APBA1: variants seen among roughly 807,000 people sequenced by gnomAD.
APBA1 encodes amyloid-beta A4 precursor protein-binding family A member 1.
APBA1 carries 55 observed loss-of-function variants against 86.6 expected under a neutral mutation model. The observed-to-expected ratio is 0.64, with a 90% CI of 0.51 to 0.80. The LOEUF (loss-of-function observed/expected upper bound fraction) is 0.80. Ranked by LOEUF, APBA1 falls within the 30% of genes least tolerant of loss-of-function variation. The pLI, the probability that APBA1 is intolerant of heterozygous loss-of-function variation, is 0.00. For missense variants in APBA1, 1,090 were observed against 1,183.0 expected (o/e 0.92, Z 1.15); for synonymous variants, 511 against 493.9 (o/e 1.03, Z -0.46).
At chr9:69,537,494 T>C (rs1836532045) in intron 1 of APBA1, among the ~76,000 whole-genome samples, 2 of 151,990 alleles carry the variant, frequency 1.3e-5, no homozygotes, top group African/African-American at 4.8e-5. Context: ...AGGACCCAGA[T>C]GGCACTGGCC....
At chr9:69,617,649 G>A (rs1209811876) in intron 1 of APBA1, among the ~76,000 whole-genome samples, 1 of 151,892 alleles carries the variant, frequency 6.6e-6, no homozygotes, top group African/African-American at 2.4e-5. Flanking sequence ...AAAAAAAACG[G>A]GAACTACACC....
At chr9:69,440,929 C>T in intron 11 of APBA1, 67 bp downstream of exon 11, 2 of 1,572,576 alleles carry the variant, frequency 1.3e-6, no homozygotes, top group Non-Finnish European at 1.7e-6. Flanking sequence ...TGGCTCCACC[C>T]CCCCAGCCAT....
intron 1 of APBA1, among the ~76,000 whole-genome samples, chr9:69,615,643 T>C (rs952916500): frequency 2.0e-5 from 3 of 152,222 alleles, no homozygotes; most frequent in African/African-American, 7.2e-5. Context: ...TAAAAGGTTA[T>C]ATTTCCAAGG....
chr9:69,432,624 C>T lies in APBA1; in HGVS notation c.2354G>A (p.Gly785Glu). The change falls in exon 12 of 13, where the codon GGG becomes GAG. Residue 785 changes from glycine (G) to glutamate (E), a missense_variant. Transcript: ENST00000265381. Reference protein sequence around the residue: ...GIAERGGVRVGHRIIEINGQS... With the variant: ...GIAERGGVRVEHRIIEINGQS... Reference sequence around the variant, plus strand: ...TCCATTGATTTCAATGATCCGGTGCCCCACACGGACGCCTCCTCTCTCAGC... The same window carrying T: ...TCCATTGATTTCAATGATCCGGTGCTCCACACGGACGCCTCCTCTCTCAGC... The T allele has an allele frequency of 5.6e-6, 9 of 1,605,666 alleles. No homozygotes were observed. Among genetic ancestry groups the T allele is most frequent in the Non-Finnish European group, 7.6e-6 (9 of 1,176,650 alleles).
intron 1 of APBA1, among the ~76,000 whole-genome samples, chr9:69,660,588 T>C (rs1823735497): frequency 6.6e-6 from 1 of 152,242 alleles, no homozygotes; most frequent in African/African-American, 2.4e-5. Flanking sequence ...GGAAATACTT[T>C]AAGGCAAGAA....
chr9:69,646,170 C>A (rs932707783), intron 1 of APBA1, among the ~76,000 whole-genome samples: 3 of 152,016 alleles, frequency 2.0e-5, no homozygotes, highest in Non-Finnish European at 4.4e-5. Flanking sequence ...TAGAGGCAGG[C>A]TACAAAATAG....
At chr9:69,583,260 G>A (rs559061075) in intron 1 of APBA1, among the ~76,000 whole-genome samples, 2 of 152,248 alleles carry the variant, frequency 1.3e-5, no homozygotes, top group South Asian at 4.1e-4. Context: ...ACCACTGTTG[G>A]TTATCTAGTC....
At chr9:69,567,154 T>C in intron 1 of APBA1, among the ~76,000 whole-genome samples, 1 of 152,202 alleles carries the variant, frequency 6.6e-6, no homozygotes, top group East Asian at 1.9e-4. Flanking sequence ...ATTTGTTGAA[T>C]TCCGTAGAGC....
At chr9:69,543,453 CT>C (rs781770804) in intron 1 of APBA1, among the ~76,000 whole-genome samples, 7 of 152,214 alleles carry the variant, frequency 4.6e-5, no homozygotes, top group African/African-American at 7.2e-5. Flanking sequence ...CAGACCGCCA[CT>C]GATCTGGCCC....
intron 2 of APBA1, among the ~76,000 whole-genome samples, chr9:69,499,092 C>T (rs1293464668): frequency 6.6e-6 from 1 of 152,044 alleles, no homozygotes; most frequent in African/African-American, 2.4e-5. Flanking sequence ...GGTATGCCAG[C>T]CCCATTTTTC....
chr9:69,585,046 G>T (rs1419777949), intron 1 of APBA1, among the ~76,000 whole-genome samples: 1 of 152,214 alleles, frequency 6.6e-6, no homozygotes, highest in African/African-American at 2.4e-5. Flanking sequence ...CAACAAACAT[G>T]CTGAGCATCT....
rs1834560861 is a variant in APBA1, at chr9:69,430,007, G to A, written c.*1320C>T. On this transcript the variant is annotated 3_prime_UTR_variant, in exon 13 of 13. Transcript: ENST00000265381. ...ACGGAAGCATAAATATGAGGCACCT[G>A]ATGAAAACACGGAACAATTCCACAC... The A allele has an allele frequency of 1.3e-5, 2 of 152,050 alleles. No individual in the cohort carries two copies. Among genetic ancestry groups the A allele is most frequent in the African/African-American group, 4.8e-5 (2 of 41,386 alleles). The allele number at this position is 152,050 out of a possible 1,614,324, so 9.4% of individuals were successfully genotyped here.
intron 10 of APBA1, among the ~76,000 whole-genome samples, chr9:69,441,861 C>T (rs1381866174): frequency 6.6e-6 from 1 of 152,204 alleles, no homozygotes; most frequent in African/African-American, 2.4e-5. Flanking sequence ...TGATCTTCGA[C>T]TATAAAAAGG....
intron 4 of APBA1, 66 bp from the exon 5 acceptor site, chr9:69,468,034 C>A: frequency 7.0e-6 from 11 of 1,571,548 alleles, no homozygotes; most frequent in Non-Finnish European, 8.7e-6. Flanking sequence ...CCCTCAATGG[C>A]ACATCTCCCC....
At chr9:69,489,942 A>C (rs1441168425) in intron 2 of APBA1, among the ~76,000 whole-genome samples, 3 of 152,146 alleles carry the variant, frequency 2.0e-5, no homozygotes, top group Non-Finnish European at 4.4e-5. Context: ...CTAGAACTAG[A>C]AATACCATTT....
intron 1 of APBA1, among the ~76,000 whole-genome samples, chr9:69,631,961 C>T (rs939381040): frequency 2.0e-4 from 31 of 151,916 alleles, no homozygotes; most frequent in South Asian, 8.3e-4. Flanking sequence ...GATGAGTTAA[C>T]GGGTGCAGCA....
At chr9:69,454,505 C>A (rs761641424) in intron 8 of APBA1, among the ~76,000 whole-genome samples, 13 of 152,152 alleles carry the variant, frequency 8.5e-5, no homozygotes, top group Non-Finnish European at 1.9e-4. Context: ...TATCGTCCTG[C>A]AGAAGAGGAA....
intron 2 of APBA1, among the ~76,000 whole-genome samples, chr9:69,511,464 C>G (rs1381702665): frequency 6.6e-6 from 1 of 152,114 alleles, no homozygotes; most frequent in African/African-American, 2.4e-5. Flanking sequence ...AACACTTTTA[C>G]ACTGTTGGTG....
At position 69,516,743 on chromosome 9, in the gene APBA1, C is replaced by A. The variant is rs372677160; in HGVS notation, c.468G>T (p.Glu156Asp). The change falls in exon 2 of 13, where the codon GAG (glutamate) becomes GAT (aspartate). Residue 156 changes from glutamate to aspartate, a missense_variant. Physicochemically the swap from Glu to Asp is conservative, Grantham distance 45. Transcript: ENST00000265381. The surrounding 1 kb of genome is among the most constrained non-coding windows in gnomAD (Gnocchi z 7.3). ...AGGCCGCATTCATGGCTTCCTCGTG[C>A]TCCAGCGAGTGGAAGTGCAGGTGGT... ...LPNHLHFHSL[E>D]HEEAMNAAYS... is the part of the protein sequence containing the mutation. 2 of 1,612,134 alleles carry A rather than the reference C, an allele frequency of 1.2e-6. No individual in the cohort carries two copies. Among genetic ancestry groups the A allele is most frequent in the Non-Finnish European group, 1.7e-6 (2 of 1,179,464 alleles).
Sources: gnomAD v4.1 joint callset for allele counts (sites outside exome capture counted in the v4.1 genomes callset) on GRCh38, gnomAD v4.1.1 for gene constraint, Gnocchi (gnomAD v3.1) non-coding constraint, MANE v1.5 for transcripts, NCBI Gene and HGNC (gene_info 2026-07-23, HGNC 2026-07-21) for gene names.